Variants in USP12 observed in about 807,000 individuals in gnomAD.
USP12 encodes ubiquitin carboxyl-terminal hydrolase 12.
Under a neutral mutation model 45.5 loss-of-function variants are expected in USP12, and 19 were observed. That is an observed-to-expected ratio of 0.42 (90% CI 0.29 to 0.61). USP12 has a LOEUF of 0.61. Ranked by LOEUF, USP12 falls within the 20% of genes least tolerant of loss-of-function variation. The pLI, the probability that USP12 is intolerant of heterozygous loss-of-function variation, is 0.22. For missense variants in USP12, 242 were observed against 447.7 expected (o/e 0.54, Z 4.15); for synonymous variants, 149 against 148.8 (o/e 1.00, Z -0.01).
At chr13:27,089,516 G>A (rs1382592575) in intron 6 of USP12, 1 of 174,568 alleles carries the variant, frequency 5.7e-6, no homozygotes, top group East Asian at 1.5e-4. Flanking sequence ...ATCCTATGTA[G>A]GAAAAGCAGA....
chr13:27,167,009 A>C (rs978665533), intron 1 of USP12, among the ~76,000 whole-genome samples: 1 of 152,196 alleles, frequency 6.6e-6, no homozygotes, highest in East Asian at 1.9e-4. Flanking sequence ...GTGTAAAACT[A>C]TATCTAGGGA....
At chr13:27,141,380 T>C (rs1877046028) in intron 1 of USP12, among the ~76,000 whole-genome samples, 1 of 152,214 alleles carries the variant, frequency 6.6e-6, no homozygotes, top group Non-Finnish European at 1.5e-5. Context: ...TTAAAAACCA[T>C]GACACCTCTG....
intron 1 of USP12, among the ~76,000 whole-genome samples, chr13:27,125,196 A>G (rs1001361914): frequency 2.6e-5 from 4 of 152,238 alleles, no homozygotes; most frequent in African/African-American, 9.6e-5. Flanking sequence ...ATTGGGTTTC[A>G]TATTATTTAT....
chr13:27,156,141 A>G (rs1167588134), intron 1 of USP12, among the ~76,000 whole-genome samples: 1 of 151,994 alleles, frequency 6.6e-6, no homozygotes, highest in East Asian at 1.9e-4. Flanking sequence ...TTATAAAGAG[A>G]CACGACATTC....
rs1873112711 is a variant in USP12, at chr13:27,068,938, T to G, written c.*345A>C. 1 of 311,254 alleles carries G rather than the reference T, an allele frequency of 3.2e-6. No individual in the cohort carries two copies. The highest frequency in any genetic ancestry group is 3.8e-5 in the South Asian group (1 of 26,562). The allele number at this position is 311,254 out of a possible 1,614,324, so 19.3% of individuals were successfully genotyped here. A position where few individuals can be genotyped will look rare whatever the true frequency, so the allele number is the denominator to read the frequency against. On this transcript the variant is annotated 3_prime_UTR_variant, in exon 9 of 9. Transcript: ENST00000282344. ...ATCAATACGGCACAGATTCCGATTCTTTCTACTGCACCCCCAAGGAATTCA... is the reference window on the plus strand; with the variant it reads ...ATCAATACGGCACAGATTCCGATTCGTTCTACTGCACCCCCAAGGAATTCA...
chr13:27,132,416 A>T (rs1319155056), intron 1 of USP12, among the ~76,000 whole-genome samples: 1 of 151,682 alleles, frequency 6.6e-6, no homozygotes, highest in Non-Finnish European at 1.5e-5. Flanking sequence ...AATAAAAAGC[A>T]GTACAGGAAG....
At chr13:27,137,882 G>T (rs1370332722) in intron 1 of USP12, among the ~76,000 whole-genome samples, 2 of 152,254 alleles carry the variant, frequency 1.3e-5, no homozygotes, top group Non-Finnish European at 2.9e-5. Flanking sequence ...CTGCCGCGCT[G>T]AGAGGACTTA....
intron 1 of USP12, among the ~76,000 whole-genome samples, chr13:27,123,413 C>T (rs934421596): frequency 6.6e-6 from 1 of 152,180 alleles, no homozygotes; most frequent in African/African-American, 2.4e-5. Flanking sequence ...AAAAGTCAAA[C>T]ATTAACAAAG....
chr13:27,126,985 T>A (rs1876267576), intron 1 of USP12, among the ~76,000 whole-genome samples: 1 of 152,144 alleles, frequency 6.6e-6, no homozygotes, highest in Non-Finnish European at 1.5e-5. Flanking sequence ...GATGAGTCTT[T>A]CAAAAAACAC....
At chr13:27,158,148 G>A (rs1057079082) in intron 1 of USP12, among the ~76,000 whole-genome samples, 3 of 151,754 alleles carry the variant, frequency 2.0e-5, no homozygotes, top group African/African-American at 7.3e-5. Flanking sequence ...AGTCATTAGG[G>A]TGGACCCTAA....
intron 6 of USP12, among the ~76,000 whole-genome samples, chr13:27,076,854 C>T (rs1356203463): frequency 6.6e-6 from 1 of 152,118 alleles, no homozygotes; most frequent in East Asian, 1.9e-4. Flanking sequence ...TGAACTTGGC[C>T]TTTTGGAAAC....
At chr13:27,131,921 A>G (rs1054137660) in intron 1 of USP12, among the ~76,000 whole-genome samples, 2 of 152,146 alleles carry the variant, frequency 1.3e-5, no homozygotes, top group Non-Finnish European at 2.9e-5. Context: ...AAGAAGAGAA[A>G]TTGACACACA....
intron 1 of USP12, among the ~76,000 whole-genome samples, chr13:27,163,940 A>T (rs1878239194): frequency 6.6e-6 from 1 of 152,104 alleles, no homozygotes; most frequent in African/African-American, 2.4e-5. Context: ...CCCACTCAAG[A>T]CACACTGAAT....
chr13:27,124,572 T>C (rs1419032781), intron 1 of USP12, among the ~76,000 whole-genome samples: 1 of 152,242 alleles, frequency 6.6e-6, no homozygotes, highest in Non-Finnish European at 1.5e-5. Flanking sequence ...ATGTATCATT[T>C]TAAGTTAGAT....
At chr13:27,083,644 T>C (rs80045229) in intron 6 of USP12, among the ~76,000 whole-genome samples, 3 of 152,280 alleles carry the variant, frequency 2.0e-5, no homozygotes, top group Non-Finnish European at 1.5e-5. Context: ...CAGAGTTCAA[T>C]AGGCATGCTA....
chr13:27,161,905 A>T (rs1014813128), intron 1 of USP12, among the ~76,000 whole-genome samples: 17 of 50,038 alleles, frequency 3.4e-4, no homozygotes, highest in African/African-American at 6.5e-4. Flanking sequence ...AAATAAAAAA[A>T]AATTAAAAAG....
At chr13:27,140,490 G>A (rs1257873267) in intron 1 of USP12, among the ~76,000 whole-genome samples, 1 of 152,082 alleles carries the variant, frequency 6.6e-6, no homozygotes, top group Admixed American at 6.6e-5. Context: ...AGACACTATA[G>A]GGCACAATAA....
At chr13:27,140,956 C>T (rs375364999) in intron 1 of USP12, among the ~76,000 whole-genome samples, 4 of 142,884 alleles carry the variant, frequency 2.8e-5, no homozygotes, top group Admixed American at 7.1e-5. Flanking sequence ...ATAGAAGATT[C>T]GAAGAAAAAA....
rs1878627217 is a variant in USP12, at chr13:27,171,617, G to A, written c.23C>T (p.Ser8Phe). 1.5e-6 allele frequency: 2 copies of A among 1,299,282 alleles called. No homozygotes were observed. Among genetic ancestry groups the A allele is most frequent in the African/African-American group, 1.6e-5 (1 of 63,008 alleles). The allele number at this position is 1,299,282 out of a possible 1,614,324, so 80.5% of individuals were successfully genotyped here. Residue 8 changes from serine to phenylalanine, a missense_variant, in exon 1 of 9, where the codon TCC becomes TTC. Around this residue, in one of 5 missense-constraint regions of USP12, gnomAD observed 19 missense variants for 16.1 expected, o/e 1.18. Coordinates refer to ENST00000282344, the MANE Select transcript of USP12 (RefSeq NM_182488.4). MEILMTV[S>F]KFASICTMGA... ...CATGGTACAGATGGAGGCGAATTTG[G>A]AGACTGTCATTAGGATTTCCATCCG... is the stretch of plus-strand genomic sequence containing the variant.
Sources: gnomAD v4.1 joint callset for allele counts (sites outside exome capture counted in the v4.1 genomes callset) on GRCh38, gnomAD v4.1.1 for gene constraint, gnomAD v4.1.1 regional missense constraint, MANE v1.5 for transcripts, NCBI Gene and HGNC (gene_info 2026-07-23, HGNC 2026-07-21) for gene names.